HPSE2: variants seen among roughly 807,000 people sequenced by gnomAD.
HPSE2 encodes the protein inactive heparanase-2.
HPSE2 carries 38 observed loss-of-function variants against 60.5 expected under a neutral mutation model. The ratio of observed to expected loss-of-function variants is 0.63; its 90% CI spans 0.48 to 0.82. The LOEUF (loss-of-function observed/expected upper bound fraction) is 0.82, where lower values mean the gene tolerates loss of function less well. Ranked by LOEUF, HPSE2 falls within the 40% of genes least tolerant of loss-of-function variation. The pLI, the probability that HPSE2 is intolerant of heterozygous loss-of-function variation, is 0.00. For synonymous variants in HPSE2, 295 were observed against 293.2 expected, an observed-to-expected ratio of 1.01 and a Z score of -0.06; for missense variants, 713 against 740.4, an observed-to-expected ratio of 0.96 and a Z score of 0.43.
At chr10:99,038,477 A>C (rs1297358646) in intron 3 of HPSE2, among the ~76,000 whole-genome samples, 1 of 152,188 alleles carries the variant, frequency 6.6e-6, no homozygotes, top group Non-Finnish European at 1.5e-5. Flanking sequence ...AATTATAGAG[A>C]CAGAAAACAG....
At chr10:99,189,724 G>C (rs556757102) in intron 2 of HPSE2, among the ~76,000 whole-genome samples, 2 of 152,238 alleles carry the variant, frequency 1.3e-5, no homozygotes, top group South Asian at 4.1e-4. Context: ...TGTTTGCTTG[G>C]TTTTATTCAT....
At chr10:98,851,460 T>C (rs562832199) in intron 3 of HPSE2, among the ~76,000 whole-genome samples, 68 of 152,322 alleles carry the variant, frequency 4.5e-4, no homozygotes, top group African/African-American at 1.6e-3. Context: ...ATATGTTCCA[T>C]AACCAACACC....
At chr10:98,625,499 TC>T (rs1221453355) in intron 7 of HPSE2, among the ~76,000 whole-genome samples, 1 of 152,210 alleles carries the variant, frequency 6.6e-6, no homozygotes, top group East Asian at 1.9e-4. Flanking sequence ...TTATGTGTTA[TC>T]AAGCTCGTTA....
chr10:99,132,204 AGAGAGAGAGAGAG>A (rs1845446358), intron 3 of HPSE2, among the ~76,000 whole-genome samples: 2 of 21,264 alleles, frequency 9.4e-5, no homozygotes, highest in African/African-American at 1.5e-4. Context: ...AGAGAGAGAG[AGAGAGAGAGAGAG>A]AGAGAGAGAG....
intron 3 of HPSE2, among the ~76,000 whole-genome samples, chr10:98,907,619 T>C (rs1002126150): frequency 6.6e-6 from 1 of 152,120 alleles, no homozygotes; most frequent in Non-Finnish European, 1.5e-5. Flanking sequence ...ACAGGATAAA[T>C]AGGAGGCATG....
intron 9 of HPSE2, among the ~76,000 whole-genome samples, chr10:98,506,748 G>C (rs184527895): frequency 8.5e-5 from 13 of 152,318 alleles, no homozygotes; most frequent in Non-Finnish European, 1.2e-4. Flanking sequence ...ACAGGCGTCA[G>C]CTTCTGAACC....
At position 98,941,568 on chromosome 10, in the gene HPSE2, T is replaced by G. The variant is rs1272935441; in HGVS notation, c.611-197512A>C. Among the ~76,000 whole-genome samples the G allele has an allele frequency of 1.1e-4, 15 of 141,374 alleles. 2 individuals are homozygous for G. The highest frequency in any genetic ancestry group is 2.8e-4 in the Admixed American group (4 of 14,184). 92.7% of individuals were successfully genotyped at this position (141,374 alleles called of 152,430 possible). A position where few individuals can be genotyped will look rare whatever the true frequency, so the allele number is the denominator to read the frequency against. ...AGGAGAACTACAAACCACTGCTCAA[T>G]GAAATAAAAGAGGATACAAACAAAT... On this transcript the variant is annotated intron_variant, in intron 3 of 11. Coordinates refer to ENST00000370552, the MANE Select transcript of HPSE2 (RefSeq NM_021828.5).
rs17110004 is a variant in HPSE2, at chr10:98,492,638, T to C, written c.1321-2442A>G. The stretch of plus-strand genomic sequence containing the variant: ...AATTGAGTGGCAAACTTTAGATTTA[T>C]TAACTTGAAACCTGTCTGCTTTTCA... On this transcript the variant is annotated intron_variant, in intron 9 of 11. Transcript: ENST00000370552. Among the ~76,000 whole-genome samples the C allele has an allele frequency of 5.5e-3, 843 of 152,310 alleles. 8 individuals carry two copies. Among genetic ancestry groups the C allele is most frequent in the African/African-American group, 0.02 (811 of 41,576 alleles).
intron 2 of HPSE2, among the ~76,000 whole-genome samples, chr10:99,174,905 C>G (rs533630953): frequency 6.6e-6 from 1 of 152,162 alleles, no homozygotes; most frequent in African/African-American, 2.4e-5. Flanking sequence ...CATTTCCAAC[C>G]GAGGTATCCG....
At chr10:99,280,324 G>C in the HPSE2 span, among the ~76,000 whole-genome samples, 1 of 152,066 alleles carries the variant, frequency 6.6e-6, no homozygotes, top group Admixed American at 6.6e-5. Flanking sequence ...GAAGAGAGAG[G>C]TCTGGCCAGA....
chr10:98,563,522 T>C (rs1417494917), intron 9 of HPSE2, among the ~76,000 whole-genome samples: 3 of 152,264 alleles, frequency 2.0e-5, no homozygotes, highest in East Asian at 3.9e-4. Flanking sequence ...CTAAACACCA[T>C]TGCATTGTAT....
At chr10:99,275,358 G>A in the HPSE2 span, among the ~76,000 whole-genome samples, 2 of 152,146 alleles carry the variant, frequency 1.3e-5, no homozygotes, top group South Asian at 2.1e-4. Context: ...ATGGCATGAA[G>A]CAGGAAGTCC....
At chr10:99,282,480 C>A in the HPSE2 span, among the ~76,000 whole-genome samples, 1 of 152,048 alleles carries the variant, frequency 6.6e-6, no homozygotes, top group Non-Finnish European at 1.5e-5. Context: ...AGAAGATCAC[C>A]GAGGACATAG....
the HPSE2 span, among the ~76,000 whole-genome samples, chr10:99,273,005 A>G: frequency 1.8e-4 from 28 of 152,346 alleles, 1 homozygote; most frequent in African/African-American, 6.7e-4. Context: ...TTGCAAAAAT[A>G]TGGAACCAGC....
At chr10:99,080,782 C>T (rs574521758) in intron 3 of HPSE2, among the ~76,000 whole-genome samples, 118 of 152,262 alleles carry the variant, frequency 7.7e-4, no homozygotes, top group African/African-American at 2.7e-3. Context: ...CCACTAAAGC[C>T]AATGCTCTTG....
intron 3 of HPSE2, among the ~76,000 whole-genome samples, chr10:98,987,558 G>A (rs898730100): frequency 2.0e-5 from 3 of 152,120 alleles, no homozygotes; most frequent in Admixed American, 6.5e-5. Context: ...GCAAAAACTG[G>A]AAGCACTCCC....
chr10:98,624,929 G>A (rs756722241), intron 7 of HPSE2, among the ~76,000 whole-genome samples: 3 of 152,156 alleles, frequency 2.0e-5, no homozygotes, highest in Non-Finnish European at 4.4e-5. Flanking sequence ...TTATTCTTAC[G>A]GTTTGGTGGT....
At chr10:99,107,236 T>C (rs1844284152) in intron 3 of HPSE2, among the ~76,000 whole-genome samples, 1 of 152,194 alleles carries the variant, frequency 6.6e-6, no homozygotes, top group South Asian at 2.1e-4. Flanking sequence ...TTCTCTGATA[T>C]TAATCTGATA....
chr10:98,491,283 T>A (rs968869330), intron 9 of HPSE2, among the ~76,000 whole-genome samples: 1 of 152,152 alleles, frequency 6.6e-6, no homozygotes. Flanking sequence ...TAAATCAGAA[T>A]AAAGTCTCAA....
Sources: allele counts gnomAD v4.1 joint callset (sites outside exome capture counted in the v4.1 genomes callset), GRCh38; gene constraint gnomAD v4.1.1; transcripts MANE v1.5; gene names NCBI Gene and HGNC (gene_info 2026-07-23, HGNC 2026-07-21).